The following SCN9A variants were observed in gnomAD, a reference collection of about 807,000 sequenced individuals.
SCN9A encodes sodium channel protein type 9 subunit alpha.
In SCN9A, 131 loss-of-function variants were observed where a neutral mutation model predicts 187.0. The ratio of observed to expected loss-of-function variants is 0.70; its 90% CI spans 0.61 to 0.81. The LOEUF is 0.81. SCN9A is among the 30% of genes least tolerant of loss of function. The pLI, the probability that SCN9A is intolerant of heterozygous loss-of-function variation, is 0.00. For synonymous variants in SCN9A, 809 were observed against 808.6 expected (o/e 1.00, Z -0.01); for missense variants, 2,252 against 2,396.6 (o/e 0.94, Z 1.26).
rs527461217 is a variant in SCN9A at position 166,327,554 on chromosome 2, TA to T, written c.-50-15749del. 7.2e-5 allele frequency among the ~76,000 whole-genome samples: 11 copies of T among 152,290 alleles called. No individual in the cohort carries two copies. In the East Asian group the frequency reaches 2.1e-3, roughly 29 times the overall value. ...AACAATGGTTGTAATTTATTATATT[TA>T]GGGATTTCAATGATGACCATATTAT... On this transcript the variant is annotated intron_variant, in intron 1 of 26. Coordinates refer to ENST00000642356, the MANE Select transcript of SCN9A (RefSeq NM_001365536.1).
At chr2:166,297,196 CAAAAAAAAAAAAAAAAA>C (rs71031236) in intron 7 of SCN9A, among the ~76,000 whole-genome samples, 7 of 32,892 alleles carry the variant, frequency 2.1e-4, no homozygotes, top group African/African-American at 5.9e-4. Context: ...GACTCCATCT[CAAAAAAAAAAAAAAAAA>C]AAAAAAAAAA....
At chr2:166,241,684 A>AGACG (rs1388195021) in intron 19 of SCN9A, among the ~76,000 whole-genome samples, 1 of 151,766 alleles carries the variant, frequency 6.6e-6, no homozygotes, top group African/African-American at 2.4e-5. Flanking sequence ...AATTGCAAGC[A>AGACG]GTTGTTCTCC....
At chr2:166,222,351 C>T (rs923425699) in intron 24 of SCN9A, among the ~76,000 whole-genome samples, 1 of 152,162 alleles carries the variant, frequency 6.6e-6, no homozygotes, top group African/African-American at 2.4e-5. Flanking sequence ...TAATGAGGGC[C>T]AGGTGCAGTG....
chr2:166,313,238 C>T (rs1332400383), intron 1 of SCN9A, among the ~76,000 whole-genome samples: 1 of 151,962 alleles, frequency 6.6e-6, no homozygotes, highest in Non-Finnish European at 1.5e-5. Flanking sequence ...TTTAAAGTCA[C>T]CAGCTGCATT....
intron 18 of SCN9A, among the ~76,000 whole-genome samples, chr2:166,246,467 C>T (rs902784596): frequency 9.2e-5 from 14 of 151,376 alleles, no homozygotes; most frequent in African/African-American, 2.9e-4. Flanking sequence ...AGAGAACATT[C>T]GATAAAATGA....
At chr2:166,236,581 T>C (rs1425339603) in intron 20 of SCN9A, among the ~76,000 whole-genome samples, 1 of 152,064 alleles carries the variant, frequency 6.6e-6, no homozygotes, top group Non-Finnish European at 1.5e-5. Flanking sequence ...CCACCATGTC[T>C]GGCTAATTTT....
intron 11 of SCN9A, among the ~76,000 whole-genome samples, chr2:166,285,680 G>T (rs1697706689): frequency 6.6e-6 from 1 of 152,160 alleles, no homozygotes; most frequent in African/African-American, 2.4e-5. Flanking sequence ...TTAGAAAAGT[G>T]ATTTGTGGGG....
chr2:166,221,739 A>G (rs989618567), intron 24 of SCN9A, among the ~76,000 whole-genome samples: 2 of 152,130 alleles, frequency 1.3e-5, no homozygotes, highest in African/African-American at 4.8e-5. Flanking sequence ...AAGCTACAAC[A>G]ATTAAAATAG....
chr2:166,331,123 C>A (rs1021911718), intron 1 of SCN9A, among the ~76,000 whole-genome samples: 1 of 152,140 alleles, frequency 6.6e-6, no homozygotes, highest in African/African-American at 2.4e-5. Context: ...TTAACCAATA[C>A]CATAAATTCC....
intron 1 of SCN9A, among the ~76,000 whole-genome samples, chr2:166,358,127 T>A (rs1431511629): frequency 6.6e-6 from 1 of 151,850 alleles, no homozygotes; most frequent in East Asian, 1.9e-4. Flanking sequence ...TGGAGTGCCT[T>A]GGTGCGATCT....
At position 166,300,470 on chromosome 2, in the gene SCN9A, G is replaced by A. The variant is rs1048912884; in HGVS notation, c.901+2620C>T. 7.9e-5 allele frequency among the ~76,000 whole-genome samples: 12 copies of A among 150,968 alleles called. 1 individual carries two copies. The highest frequency in any genetic ancestry group is 2.5e-4 in the African/African-American group (10 of 40,312). On this transcript the variant is annotated intron_variant, in intron 7 of 26. Transcript: ENST00000642356. ...GTCTTCTCATCTAGTTGATATCTCA[G>A]CACCTGAGACTCACTTCCTTTGCAT...
rs1700111131 is a variant in SCN9A, at chr2:166,354,637, A to C, written c.-51+21060T>G. 3.3e-5 allele frequency among the ~76,000 whole-genome samples: 5 copies of C among 152,318 alleles called. No individual in the cohort carries two copies. The South Asian group carries it at 1.0e-3, about 32-fold the overall frequency. Reference sequence around the variant, plus strand: ...CATCCAACAAAGCGATCAAGTATTTAATTGTTTTAGAAACCTAGGCACAGA... The same window carrying C: ...CATCCAACAAAGCGATCAAGTATTTCATTGTTTTAGAAACCTAGGCACAGA... On this transcript the variant is annotated intron_variant, in intron 1 of 26. Coordinates refer to ENST00000642356, the MANE Select transcript of SCN9A (RefSeq NM_001365536.1).
At position 166,233,454 on chromosome 2, in the gene SCN9A, C is replaced by A. The variant is rs988494694; in HGVS notation, c.3810G>T (p.Leu1270Phe). 2.6e-6 allele frequency: 4 copies of A among 1,564,858 alleles called. No individual in the cohort carries two copies. Among genetic ancestry groups the A allele is most frequent in the South Asian group, 1.2e-5 (1 of 80,312 alleles). The change falls in exon 21 of 27, where the codon TTG becomes TTT. Residue 1270 changes from leucine (L) to phenylalanine (F), a missense_variant. Coordinates refer to ENST00000642356, the MANE Select transcript of SCN9A (RefSeq NM_001365536.1). ...WLDFLIVDVS[L>F]VTLVANTLGY... is the part of the protein sequence containing the mutation. The stretch of plus-strand genomic sequence containing the variant: ...CAAGAGTGTTTGCCACTAAAGTAAC[C>A]AAAGAAACCTATAAAAATAACATTT...
At chr2:166,351,854 T>A (rs565186443) in intron 1 of SCN9A, among the ~76,000 whole-genome samples, 1 of 152,186 alleles carries the variant, frequency 6.6e-6, no homozygotes, top group East Asian at 1.9e-4. Flanking sequence ...ATGAAGCTCA[T>A]CATCATCAAC....
chr2:166,271,129 A>G (rs1696964417), intron 17 of SCN9A, among the ~76,000 whole-genome samples: 1 of 152,150 alleles, frequency 6.6e-6, no homozygotes, highest in Non-Finnish European at 1.5e-5. Flanking sequence ...TATTTGATGC[A>G]TACCATAATT....
intron 24 of SCN9A, among the ~76,000 whole-genome samples, chr2:166,206,281 TAGAC>T (rs1693800477): frequency 6.6e-6 from 1 of 152,086 alleles, no homozygotes; most frequent in Non-Finnish European, 1.5e-5. Context: ...CCATCAATAA[TAGAC>T]TGGATAAAGA....
intron 24 of SCN9A, among the ~76,000 whole-genome samples, chr2:166,224,527 T>C (rs923755931): frequency 1.1e-4 from 16 of 152,196 alleles, no homozygotes; most frequent in African/African-American, 3.9e-4. Context: ...TCTTTTTGTA[T>C]AGGTGGTACC....
At chr2:166,236,085 T>C (rs1439695648) in intron 20 of SCN9A, among the ~76,000 whole-genome samples, 1 of 152,094 alleles carries the variant, frequency 6.6e-6, no homozygotes, top group Non-Finnish European at 1.5e-5. Flanking sequence ...GACCCCGTCA[T>C]ATTTACAGTT....
At chr2:166,227,073 T>C (rs969924512) in intron 23 of SCN9A, among the ~76,000 whole-genome samples, 3 of 152,100 alleles carry the variant, frequency 2.0e-5, no homozygotes, top group Non-Finnish European at 4.4e-5. Context: ...TTTATACACA[T>C]TTTGCCATGT....
Sources: gnomAD v4.1 joint callset for allele counts (sites outside exome capture counted in the v4.1 genomes callset) on GRCh38, gnomAD v4.1.1 for gene constraint, MANE v1.5 for transcripts, NCBI Gene and HGNC (gene_info 2026-07-23, HGNC 2026-07-21) for gene names.